ATOSA: variants seen among roughly 807,000 people sequenced by gnomAD.
The protein encoded by ATOSA is atos homolog A.
chr15:52,694,664 A>G, the ATOSA span, among the ~76,000 whole-genome samples: 1 of 151,954 alleles, frequency 6.6e-6, no homozygotes, highest in Non-Finnish European at 1.5e-5. Flanking sequence ...TATTTTTTTA[A>G]TTAAAAAAAA....
chr15:52,624,982 T>G, the ATOSA span, among the ~76,000 whole-genome samples: 4 of 152,122 alleles, frequency 2.6e-5, no homozygotes, highest in African/African-American at 9.7e-5. Context: ...TTTTACCATG[T>G]TGGTCAGGCT....
the ATOSA span, chr15:52,652,009 G>A: frequency 3.3e-5 from 50 of 1,520,666 alleles, no homozygotes; most frequent in South Asian, 5.9e-4. Context: ...CAAATGTTCA[G>A]CGTTGGGTGC....
chr15:52,629,018 T>C, the ATOSA span, among the ~76,000 whole-genome samples: 1 of 152,176 alleles, frequency 6.6e-6, no homozygotes, highest in Non-Finnish European at 1.5e-5. Context: ...AACAAACATC[T>C]TGCCCTCGCC....
chr15:52,599,059 G>A, the ATOSA span, among the ~76,000 whole-genome samples: 1 of 152,200 alleles, frequency 6.6e-6, no homozygotes, highest in Admixed American at 6.5e-5. Context: ...GCAGAACTGT[G>A]AGCCAATTAA....
chr15:52,644,832 T>TTC, the ATOSA span, among the ~76,000 whole-genome samples: 1 of 152,062 alleles, frequency 6.6e-6, no homozygotes, highest in Admixed American at 6.5e-5. Context: ...ACACTTTGAG[T>TTC]TCTAATTTCT....
the ATOSA span, among the ~76,000 whole-genome samples, chr15:52,632,767 G>T: frequency 6.6e-6 from 1 of 152,092 alleles, no homozygotes; most frequent in Non-Finnish European, 1.5e-5. Context: ...TATAAATTAT[G>T]AAATTATTGA....
chr15:52,707,595 G>A, the ATOSA span, among the ~76,000 whole-genome samples: 18 of 152,208 alleles, frequency 1.2e-4, no homozygotes, highest in African/African-American at 4.3e-4. Flanking sequence ...ATTACTGTTC[G>A]GACAAGTGAA....
the ATOSA span, among the ~76,000 whole-genome samples, chr15:52,706,656 G>A: frequency 6.6e-6 from 1 of 152,052 alleles, no homozygotes; most frequent in African/African-American, 2.4e-5. Flanking sequence ...AAATAAATAA[G>A]GACAATAATG....
the ATOSA span, among the ~76,000 whole-genome samples, chr15:52,661,931 C>CAAAAAAAAAAAAAAAAAAAAAAAAAAA: frequency 1.4e-5 from 1 of 73,256 alleles, no homozygotes; most frequent in African/African-American, 6.0e-5. Flanking sequence ...CAAGCCAGGC[C>CAAAAAAAAAAAAAAAAAAAAAAAAAAA]AAAAAAAAAA....
chr15:52,630,559 G>C, the ATOSA span, among the ~76,000 whole-genome samples: 1 of 152,158 alleles, frequency 6.6e-6, no homozygotes, highest in Non-Finnish European at 1.5e-5. Context: ...TAAAGGTATA[G>C]AGCAACAGAA....
the ATOSA span, among the ~76,000 whole-genome samples, chr15:52,696,067 G>A: frequency 6.6e-6 from 1 of 152,156 alleles, no homozygotes; most frequent in Non-Finnish European, 1.5e-5. Context: ...GAGACATTAC[G>A]TGGTCTTATT....
chr15:52,605,420 T>G, the ATOSA span, among the ~76,000 whole-genome samples: 5 of 152,268 alleles, frequency 3.3e-5, no homozygotes, highest in East Asian at 3.9e-4. Flanking sequence ...TAGAAGTGTT[T>G]AGAAGTTTGG....
the ATOSA span, among the ~76,000 whole-genome samples, chr15:52,697,915 A>G: frequency 4.1e-5 from 6 of 147,674 alleles, no homozygotes; most frequent in Admixed American, 1.4e-4. Flanking sequence ...AAAGGCTCCA[A>G]TTTAAAAGAC....
chr15:52,707,299 A>C, the ATOSA span, among the ~76,000 whole-genome samples: 2 of 152,238 alleles, frequency 1.3e-5, no homozygotes, highest in Non-Finnish European at 2.9e-5. Context: ...TAGTAAATAC[A>C]CAGTGGAAAA....
chr15:52,675,693 G>C, the ATOSA span, among the ~76,000 whole-genome samples: 3 of 152,158 alleles, frequency 2.0e-5, no homozygotes, highest in Admixed American at 6.5e-5. Flanking sequence ...CGGATCACGA[G>C]CTCAGGAGAT....
the ATOSA span, among the ~76,000 whole-genome samples, chr15:52,621,554 G>A: frequency 1.3e-5 from 2 of 152,184 alleles, no homozygotes; most frequent in Non-Finnish European, 2.9e-5. Context: ...GTCATGGGAG[G>A]GTCCCAGTGG....
the ATOSA span, among the ~76,000 whole-genome samples, chr15:52,633,737 T>C: frequency 1.3e-5 from 2 of 152,144 alleles, no homozygotes; most frequent in South Asian, 2.1e-4. Flanking sequence ...TTAAAGGAAG[T>C]TCTTCTGACA....
At chr15:52,612,586 C>T in the ATOSA span, among the ~76,000 whole-genome samples, 1 of 149,702 alleles carries the variant, frequency 6.7e-6, no homozygotes, top group East Asian at 2.0e-4. Flanking sequence ...CTCACTGCAA[C>T]CTCTGCCTCC....
chr15:52,597,165 G>GTTCTATTCTA, the ATOSA span, among the ~76,000 whole-genome samples: 68 of 24,704 alleles, frequency 2.8e-3, no homozygotes, highest in African/African-American at 7.6e-3. Flanking sequence ...GTTCTGTTCT[G>GTTCTATTCTA]TTCTATTCTA....
Sources: allele counts gnomAD v4.1 joint callset (sites outside exome capture counted in the v4.1 genomes callset), GRCh38; gene constraint gnomAD v4.1.1; transcripts MANE v1.5; gene names NCBI Gene and HGNC (gene_info 2026-07-23, HGNC 2026-07-21).